Variants in THADA observed in about 807,000 individuals in gnomAD.
The protein encoded by THADA is THADA armadillo repeat containing.
In THADA, 213 loss-of-function variants were observed where a neutral mutation model predicts 219.8. The observed-to-expected ratio is 0.97, with a 90% CI of 0.87 to 1.09. The LOEUF (loss-of-function observed/expected upper bound fraction) is 1.09, where lower values mean the gene tolerates loss of function less well. Ranked by LOEUF, THADA falls within the 50% of genes least tolerant of loss-of-function variation. The pLI is 0.00. For synonymous variants in THADA, 1,018 were observed against 828.9 expected, an observed-to-expected ratio of 1.23 and a Z score of -3.92; for missense variants, 2,956 against 2,311.3, an observed-to-expected ratio of 1.28 and a Z score of -5.72.
chr2:43,491,516 C>T (rs1028263176), intron 25 of THADA, among the ~76,000 whole-genome samples: 1 of 152,082 alleles, frequency 6.6e-6, no homozygotes, highest in African/African-American at 2.4e-5. Flanking sequence ...TAATGATAGT[C>T]CCATACGATT....
chr2:43,535,967 C>G (rs937840246), intron 21 of THADA, among the ~76,000 whole-genome samples: 2 of 151,944 alleles, frequency 1.3e-5, no homozygotes, highest in African/African-American at 4.8e-5. Flanking sequence ...ACACGCCCAG[C>G]TAATTTTTGT....
intron 30 of THADA, among the ~76,000 whole-genome samples, chr2:43,329,114 C>T (rs576345214): frequency 6.6e-6 from 1 of 152,288 alleles, no homozygotes; most frequent in Non-Finnish European, 1.5e-5. Context: ...GCGTGTTTCC[C>T]TCCCTCTGTG....
At chr2:43,492,609 C>T (rs997747143) in intron 25 of THADA, among the ~76,000 whole-genome samples, 41 of 152,118 alleles carry the variant, frequency 2.7e-4, no homozygotes, top group African/African-American at 8.9e-4. Flanking sequence ...GTCTTGTGTA[C>T]GTGGTAGCAG....
chr2:43,436,590 A>G (rs997548343), intron 26 of THADA, among the ~76,000 whole-genome samples: 2 of 152,206 alleles, frequency 1.3e-5, no homozygotes, highest in Admixed American at 6.5e-5. Flanking sequence ...CCATAGCTCA[A>G]TCATTTCAAG....
chr2:43,498,884 A>T lies in THADA; in HGVS notation c.3693T>A (p.Val1231=). The part of the protein sequence containing the change: ...TRLGENIIPY[V]ADGAKAAILG... The stretch of plus-strand genomic sequence containing the variant: ...GAATTGCAGCCTTAGCTCCATCAGC[A>T]ACATAAGGAATAATATTTTCTCCCA... The change falls in exon 25 of 38, where the codon GTT becomes GTA. Residue 1231 remains valine (V), a synonymous_variant. Transcript: ENST00000405975. The T allele has an allele frequency of 6.2e-7, 1 of 1,611,522 alleles. No homozygotes were observed. Among genetic ancestry groups the T allele is most frequent in the Non-Finnish European group, 8.5e-7 (1 of 1,178,884 alleles).
intron 30 of THADA, among the ~76,000 whole-genome samples, chr2:43,339,271 A>C (rs180976543): frequency 7.2e-5 from 11 of 152,298 alleles, no homozygotes; most frequent in African/African-American, 2.6e-4. Context: ...CATCCACTGC[A>C]TGCATGCATT....
chr2:43,269,048 T>C (rs1294028295), intron 36 of THADA, among the ~76,000 whole-genome samples: 5 of 152,150 alleles, frequency 3.3e-5, no homozygotes, highest in Non-Finnish European at 7.4e-5. Context: ...AAATCCTGCA[T>C]TGTGATATGG....
At chr2:43,520,975 GGGA>G (rs1692363672) in intron 22 of THADA, among the ~76,000 whole-genome samples, 1 of 112,608 alleles carries the variant, frequency 8.9e-6, no homozygotes, top group African/African-American at 4.0e-5. Flanking sequence ...GAGGAAGGGA[GGGA>G]GGAAGGGAGG....
Position 43,448,714 on chromosome 2 carries a change from C to T in THADA, c.3837-18412G>A, listed in dbSNP as rs142981754. Among the ~76,000 whole-genome samples the T allele has an allele frequency of 9.2e-5, 14 of 151,956 alleles. No homozygotes were observed. In the East Asian group the frequency reaches 2.5e-3, roughly 27 times the overall value. On this transcript the variant is annotated intron_variant, in intron 26 of 37. Coordinates refer to ENST00000405975, the MANE Select transcript of THADA (RefSeq NM_022065.5). ...ACACACACCCAATGAAAGGTGCAGG[C>T]TCAAAAAAGACCTGAGAAAAACTTA...
chr2:43,497,231 T>A (rs181915112), intron 25 of THADA, among the ~76,000 whole-genome samples: 1 of 152,158 alleles, frequency 6.6e-6, no homozygotes, highest in Non-Finnish European at 1.5e-5. Context: ...TAAAGATATA[T>A]GAAACATATG....
chr2:43,310,905 G>A (rs147829320), intron 31 of THADA, among the ~76,000 whole-genome samples: 7 of 152,186 alleles, frequency 4.6e-5, no homozygotes, highest in East Asian at 1.9e-4. Context: ...GGCTGGGCGC[G>A]GTGGCTCACG....
chr2:43,567,792 T>C (rs1205124131), intron 14 of THADA, among the ~76,000 whole-genome samples: 3 of 152,238 alleles, frequency 2.0e-5, no homozygotes, highest in Non-Finnish European at 2.9e-5. Context: ...CCTACATACA[T>C]AGTAATGCTC....
At chr2:43,272,615 GTTTTGTGC>G in intron 36 of THADA, among the ~76,000 whole-genome samples, 1 of 142,436 alleles carries the variant, frequency 7.0e-6, no homozygotes, top group South Asian at 2.3e-4. Context: ...TAGAGTTTTG[GTTTTGTGC>G]TTTTTTTTTT....
intron 30 of THADA, among the ~76,000 whole-genome samples, chr2:43,335,851 C>T (rs1266127538): frequency 6.6e-6 from 1 of 150,526 alleles, no homozygotes; most frequent in Admixed American, 6.6e-5. Context: ...GTAATCTCAG[C>T]ACTTTGGGAG....
intron 31 of THADA, among the ~76,000 whole-genome samples, chr2:43,296,759 G>T (rs1244307333): frequency 6.6e-6 from 1 of 152,206 alleles, no homozygotes; most frequent in African/African-American, 2.4e-5. Context: ...CTAGAGGACA[G>T]CATTACATTC....
chr2:43,429,799 C>G (rs1679000380), intron 27 of THADA, among the ~76,000 whole-genome samples: 1 of 151,728 alleles, frequency 6.6e-6, no homozygotes, highest in South Asian at 2.1e-4. Flanking sequence ...TTTTCAGGTA[C>G]AAATTTACTA....
At chr2:43,510,057 AAAAC>A (rs1173353661) in intron 22 of THADA, among the ~76,000 whole-genome samples, 1 of 152,214 alleles carries the variant, frequency 6.6e-6, no homozygotes, top group Non-Finnish European at 1.5e-5. Flanking sequence ...AATGAAATGT[AAAAC>A]AGACACTGTC....
At chr2:43,254,387 T>C (rs980592511) in intron 36 of THADA, among the ~76,000 whole-genome samples, 3 of 151,854 alleles carry the variant, frequency 2.0e-5, no homozygotes, top group Non-Finnish European at 4.4e-5. Flanking sequence ...CTTAAGCCAG[T>C]CTTAGCCTTG....
intron 25 of THADA, among the ~76,000 whole-genome samples, chr2:43,490,503 C>T (rs1403381197): frequency 1.3e-5 from 2 of 152,036 alleles, no homozygotes; most frequent in African/African-American, 4.8e-5. Flanking sequence ...CCCTTCCATT[C>T]TTAGTTTTTT....
Sources: gnomAD v4.1 joint callset for allele counts (sites outside exome capture counted in the v4.1 genomes callset) on GRCh38, gnomAD v4.1.1 for gene constraint, MANE v1.5 for transcripts, NCBI Gene and HGNC (gene_info 2026-07-23, HGNC 2026-07-21) for gene names.